Variants in NUFIP2 observed in about 807,000 individuals in gnomAD.
NUFIP2 encodes the protein nuclear FMR1 interacting protein 2, also known as FMR1-interacting protein NUFIP2.
A neutral mutation model predicts 56.9 loss-of-function variants in NUFIP2; 6 were observed. That is an observed-to-expected ratio of 0.11 (90% confidence interval 0.06 to 0.21). The LOEUF (loss-of-function observed/expected upper bound fraction) is 0.21. Ranked by LOEUF, NUFIP2 falls within the 10% of genes least tolerant of loss-of-function variation. The probability of loss-of-function intolerance (pLI) is 1.00; values close to 1 mark genes in which losing one functional copy is unlikely to be tolerated. For missense variants in NUFIP2, 828 were observed against 826.8 expected, an observed-to-expected ratio of 1.00 and a Z score of -0.02; for synonymous variants, 321 against 298.2, an observed-to-expected ratio of 1.08 and a Z score of -0.79.
intron 1 of NUFIP2, among the ~76,000 whole-genome samples, chr17:29,291,710 A>G (rs555212448): frequency 1.3e-5 from 2 of 152,378 alleles, no homozygotes; most frequent in South Asian, 2.1e-4. Flanking sequence ...TTATGCAGCC[A>G]TAATATGGTA....
Position 29,286,303 on chromosome 17 carries a change from G to A in NUFIP2, c.1691C>T (p.Ala564Val), listed in dbSNP as rs780359221. The A allele has an allele frequency of 6.2e-7, 1 of 1,614,168 alleles. No individual in the cohort carries two copies. Among genetic ancestry groups the A allele is most frequent in the Non-Finnish European group, 8.5e-7 (1 of 1,180,020 alleles). The change falls in exon 2 of 4, where the codon GCT becomes GTT. Residue 564 changes from alanine (A) to valine (V), a missense_variant. Around this residue, in one of 3 missense-constraint regions of NUFIP2, gnomAD observed 404 missense variants for 380.3 expected, o/e 1.06. Coordinates refer to ENST00000225388, the MANE Select transcript of NUFIP2 (RefSeq NM_020772.3). ...SGTEHPVFPKAYELEKRTSPQ... is the reference protein window; with the variant it reads ...SGTEHPVFPKVYELEKRTSPQ... ...ACTAGTCCGTTTCTCCAGCTCGTAA[G>A]CCTTGGGAAACACAGGATGCTCAGT...
At chr17:29,278,039 G>C (rs917719231) in intron 2 of NUFIP2, among the ~76,000 whole-genome samples, 1 of 151,938 alleles carries the variant, frequency 6.6e-6, no homozygotes. Flanking sequence ...AAAAGAAAAA[G>C]AAATACAGCA....
At chr17:29,268,946 G>T (rs2069055604) in intron 2 of NUFIP2, among the ~76,000 whole-genome samples, 1 of 151,964 alleles carries the variant, frequency 6.6e-6, no homozygotes, top group Non-Finnish European at 1.5e-5. Context: ...GCTTAGTTTG[G>T]CATCTTAAAA....
intron 2 of NUFIP2, among the ~76,000 whole-genome samples, chr17:29,281,702 A>C (rs1398309543): frequency 3.4e-4 from 51 of 150,594 alleles, no homozygotes; most frequent in African/African-American, 1.2e-3. Context: ...AAAAAAAAAA[A>C]AAAAAAACAG....
Position 29,286,848 on chromosome 17 carries a change from T to A in NUFIP2, c.1146A>T (p.Ser382=), listed in dbSNP as rs542762493. 6.2e-7 allele frequency: 1 copy of A among 1,614,148 alleles called. No homozygotes were observed. The highest frequency in any genetic ancestry group is 8.5e-7 in the Non-Finnish European group (1 of 1,180,022). The change falls in exon 2 of 4, where the codon TCA becomes TCT. Residue 382 remains serine (S), a synonymous_variant. Coordinates refer to ENST00000225388, the MANE Select transcript of NUFIP2 (RefSeq NM_020772.3). ...GAGTTTCCCCGGTAGATGATGAAGATGATGAAGATGAAGTTGGTGACACAG... is the reference window on the plus strand; with the variant it reads ...GAGTTTCCCCGGTAGATGATGAAGAAGATGAAGATGAAGTTGGTGACACAG... The part of the protein sequence containing the change: ...NSSVSPTSSS[S]SSSSTGETQT...
At position 29,294,136 on chromosome 17, in the gene NUFIP2, A is replaced by C. The variant is rs960948207; in HGVS notation, c.-77T>G. On this transcript the variant is annotated 5_prime_UTR_variant, in exon 1 of 4. Coordinates refer to ENST00000225388, the MANE Select transcript of NUFIP2 (RefSeq NM_020772.3). ...GATCTGAGACTGCTTCTCAGGGCTC[A>C]CTCAGTATATCTGAGCGCGTCTCGC... 1.3e-6 allele frequency: 2 copies of C among 1,513,668 alleles called. No individual in the cohort carries two copies. The highest frequency in any genetic ancestry group is 2.8e-5 in the African/African-American group (2 of 72,416). The allele number at this position is 1,513,668 out of a possible 1,614,324, so 93.8% of individuals were successfully genotyped here. A position where few individuals can be genotyped will look rare whatever the true frequency, so the allele number is the denominator to read the frequency against.
At position 29,260,777 on chromosome 17, in the gene NUFIP2, C is replaced by G. The variant is rs891925334; in HGVS notation, c.*3762G>C. On this transcript the variant is annotated 3_prime_UTR_variant, in exon 4 of 4. Transcript: ENST00000225388. ...TTGTAAAAACAATGCAGCACTTTTC[C>G]TTTATGAAGTTTCTGCAGATTGAGT... 4 of 152,078 alleles carry G rather than the reference C, an allele frequency of 2.6e-5. No individual in the cohort carries two copies. Among genetic ancestry groups the G allele is most frequent in the African/African-American group, 9.7e-5 (4 of 41,416 alleles). The allele number at this position is 152,078 out of a possible 1,614,324, so 9.4% of individuals were successfully genotyped here.
At chr17:29,280,519 G>A (rs2153011946) in intron 2 of NUFIP2, among the ~76,000 whole-genome samples, 1 of 152,060 alleles carries the variant, frequency 6.6e-6, no homozygotes, top group South Asian at 2.1e-4. Flanking sequence ...TTGAGGGCAG[G>A]AATTCCAGAC....
At position 29,260,869 on chromosome 17, in the gene NUFIP2, T is replaced by C. The variant is rs2068998417; in HGVS notation, c.*3670A>G. 6.6e-6 allele frequency: 1 copy of C among 152,194 alleles called. No homozygotes were observed. Among genetic ancestry groups the C allele is most frequent in the South Asian group, 2.1e-4 (1 of 4,830 alleles). The allele number at this position is 152,194 out of a possible 1,614,324, so 9.4% of individuals were successfully genotyped here. A position where few individuals can be genotyped will look rare whatever the true frequency, so the allele number is the denominator to read the frequency against. On this transcript the variant is annotated 3_prime_UTR_variant, in exon 4 of 4. Coordinates refer to ENST00000225388, the MANE Select transcript of NUFIP2 (RefSeq NM_020772.3). The stretch of plus-strand genomic sequence containing the variant: ...CTAAAATGGAGAAACTCTGGCCATT[T>C]ATTTCAAAGAAAAAAAAATCTGTCA...
chr17:29,282,672 G>A (rs904506757), intron 2 of NUFIP2, among the ~76,000 whole-genome samples: 4 of 151,960 alleles, frequency 2.6e-5, no homozygotes, highest in Non-Finnish European at 5.9e-5. Flanking sequence ...TCCAAATTAA[G>A]TTGCTGAAGG....
intron 1 of NUFIP2, among the ~76,000 whole-genome samples, chr17:29,288,310 G>A (rs938605741): frequency 6.6e-6 from 1 of 152,264 alleles, no homozygotes; most frequent in Non-Finnish European, 1.5e-5. Context: ...CTCCCGAAGT[G>A]CTAGGATTAC....
rs370580021 is a variant in NUFIP2, at chr17:29,274,680, G to T, written c.2003-7150C>A. ...AGTAAAAAGCTACATATGAAGTAAA[G>T]TTTGTTATTTCATTATATAGGTGAA... is the stretch of plus-strand genomic sequence containing the variant. On this transcript the variant is annotated intron_variant, in intron 2 of 3. Coordinates refer to ENST00000225388, the MANE Select transcript of NUFIP2 (RefSeq NM_020772.3). Among the ~76,000 whole-genome samples, 45 of 152,210 alleles carry T rather than the reference G, an allele frequency of 3.0e-4. No homozygotes were observed. In the South Asian group the frequency reaches 8.5e-3, roughly 29 times the overall value.
At position 29,260,614 on chromosome 17, in the gene NUFIP2, T is replaced by C. The variant is rs1277595978; in HGVS notation, c.*3925A>G. On this transcript the variant is annotated 3_prime_UTR_variant, in exon 4 of 4. Transcript: ENST00000225388. ...ACAGCAATTACAAAAGATAAATCAT[T>C]AGATGCCTCTGATGTGGGGAAGCAA... 2 of 152,192 alleles carry C rather than the reference T, an allele frequency of 1.3e-5. No homozygotes were observed. Among genetic ancestry groups the C allele is most frequent in the African/African-American group, 2.4e-5 (1 of 41,448 alleles). 9.4% of individuals were successfully genotyped at this position (152,192 alleles called of 1,614,324 possible).
chr17:29,285,294 T>C (rs559185458), intron 2 of NUFIP2, among the ~76,000 whole-genome samples: 41 of 144,006 alleles, frequency 2.8e-4, no homozygotes, highest in African/African-American at 8.1e-4. Flanking sequence ...AGTGAGACTC[T>C]GTCTCAAAAA....
intron 1 of NUFIP2, among the ~76,000 whole-genome samples, chr17:29,290,268 G>A (rs1236669325): frequency 1.3e-5 from 2 of 152,086 alleles, no homozygotes; most frequent in Non-Finnish European, 2.9e-5. Flanking sequence ...GAAAAGCTAT[G>A]ATAGCCAATC....
At position 29,287,242 on chromosome 17, in the gene NUFIP2, A is replaced by C. The variant is rs1165731798; in HGVS notation, c.752T>G (p.Val251Gly). ...TTCAAGTCCCTGTTTTAAGGTTGGGACACTGGTCTCTTGTTGCATTATTTT... is the reference window on the plus strand; with the variant it reads ...TTCAAGTCCCTGTTTTAAGGTTGGGCCACTGGTCTCTTGTTGCATTATTTT... ...QDKIMQQETS[V>G]PTLKQGLETF... is the part of the protein sequence containing the mutation. Residue 251 changes from valine to glycine, a missense_variant, in exon 2 of 4, where the codon GTC becomes GGC. Transcript: ENST00000225388. The C allele has an allele frequency of 6.2e-7, 1 of 1,614,110 alleles. No individual in the cohort carries two copies. The highest frequency in any genetic ancestry group is 2.2e-5 in the East Asian group (1 of 44,880).
In NUFIP2 at chr17:29,286,464, T is replaced by A. The variant is rs199855505; in HGVS notation, c.1530A>T (p.Ser510=). ...GGCCAGCACTGGGCTCATTTATAAA[T>A]GATAAACCCCACTGATTCTGGAAGA... ...GDIFQNQWGL[S]FINEPSAGPE... is the part of the protein sequence containing the mutation. The change falls in exon 2 of 4, where the codon TCA becomes TCT. Residue 510 remains serine, a synonymous_variant. Transcript: ENST00000225388. 16 of 1,614,084 alleles carry A rather than the reference T, an allele frequency of 9.9e-6. No homozygotes were observed. Among genetic ancestry groups the A allele is most frequent in the Non-Finnish European group, 1.4e-5 (16 of 1,180,048 alleles).
chr17:29,276,680 C>T (rs1314958450), intron 2 of NUFIP2, among the ~76,000 whole-genome samples: 1 of 152,124 alleles, frequency 6.6e-6, no homozygotes, highest in African/African-American at 2.4e-5. Context: ...CACTATTAGA[C>T]CAAGTTTCTT....
chr17:29,284,462 T>G (rs909054022), intron 2 of NUFIP2, among the ~76,000 whole-genome samples: 1 of 151,838 alleles, frequency 6.6e-6, no homozygotes, highest in African/African-American at 2.4e-5. Context: ...TCCCAGCACT[T>G]TGGGAGACCC....
Sources: gnomAD v4.1 joint callset for allele counts (sites outside exome capture counted in the v4.1 genomes callset) on GRCh38, gnomAD v4.1.1 for gene constraint, gnomAD v4.1.1 regional missense constraint, MANE v1.5 for transcripts, NCBI Gene and HGNC (gene_info 2026-07-23, HGNC 2026-07-21) for gene names.